Variants in LPAR1 observed in about 807,000 individuals in gnomAD.
LPAR1 encodes LPA receptor 1.
LPAR1 carries 5 observed loss-of-function variants against 23.8 expected under a neutral mutation model. The ratio of observed to expected loss-of-function variants is 0.21; its 90% confidence interval spans 0.11 to 0.44. LPAR1 has a LOEUF of 0.44. Among genes scored for constraint, LPAR1 ranks in the 20% least tolerant of loss-of-function variants. The probability of loss-of-function intolerance (pLI) is 0.99; values close to 1 mark genes in which losing one functional copy is unlikely to be tolerated. For synonymous variants in LPAR1, 160 were observed against 164.7 expected, an observed-to-expected ratio of 0.97 and a Z score of 0.22; for missense variants, 311 against 482.8, an observed-to-expected ratio of 0.64 and a Z score of 3.33.
intron 2 of LPAR1, among the ~76,000 whole-genome samples, chr9:110,995,957 G>A (rs185351028): frequency 6.6e-6 from 1 of 152,096 alleles, no homozygotes; most frequent in Admixed American, 6.6e-5. Context: ...AAAATGGAAG[G>A]GAAAAGGAGC....
chr9:111,007,944 C>T (rs2097253829), intron 2 of LPAR1, among the ~76,000 whole-genome samples: 1 of 152,112 alleles, frequency 6.6e-6, no homozygotes. Flanking sequence ...GAGGCCAAGG[C>T]AGGCAGATCA....
intron 2 of LPAR1, among the ~76,000 whole-genome samples, chr9:111,017,559 A>G (rs977414834): frequency 6.6e-6 from 1 of 152,236 alleles, no homozygotes; most frequent in Non-Finnish European, 1.5e-5. Context: ...GCGGGTAAAT[A>G]TGCAAAATAC....
chr9:110,994,776 A>G (rs1047226020), intron 2 of LPAR1, among the ~76,000 whole-genome samples: 8 of 152,192 alleles, frequency 5.3e-5, no homozygotes, highest in Non-Finnish European at 1.2e-4. Context: ...AGATCTGGCT[A>G]AAAGTGACTG....
At chr9:110,922,824 A>AATTAT (rs138438534) in intron 5 of LPAR1, among the ~76,000 whole-genome samples, 1 of 142,242 alleles carries the variant, frequency 7.0e-6, no homozygotes, top group East Asian at 2.0e-4. Flanking sequence ...TCTTATTATT[A>AATTAT]TATTATTATT....
chr9:111,038,731 G>A (rs1041306537), upstream of LPAR1: 1 of 443,402 alleles, frequency 2.3e-6, no homozygotes, highest in African/African-American at 2.1e-5. This position sits in a 1 kb window ranked among gnomAD's most constrained non-coding sequence, Gnocchi z 4.4. Flanking sequence ...GTGGTGGCAG[G>A]GCCGGGGCTG....
intron 5 of LPAR1, among the ~76,000 whole-genome samples, chr9:110,890,897 A>T (rs1352613200): frequency 6.6e-6 from 1 of 152,190 alleles, no homozygotes; most frequent in Non-Finnish European, 1.5e-5. Context: ...CCACCAACAA[A>T]TCAAAATATA....
intron 2 of LPAR1, among the ~76,000 whole-genome samples, chr9:111,000,721 C>T (rs1014124832): frequency 6.6e-6 from 1 of 152,172 alleles, no homozygotes; most frequent in Non-Finnish European, 1.5e-5. Context: ...TGCTCTCCTA[C>T]GTGCACAGTG....
chr9:110,913,766 T>C (rs1399749249), intron 5 of LPAR1, among the ~76,000 whole-genome samples: 31 of 152,170 alleles, frequency 2.0e-4, no homozygotes. Flanking sequence ...GTAAGAGATT[T>C]CTGCTTTCCT....
chr9:110,949,296 G>A (rs1399274352), intron 4 of LPAR1, among the ~76,000 whole-genome samples: 1 of 152,164 alleles, frequency 6.6e-6, no homozygotes, highest in Admixed American at 6.5e-5. Context: ...TGCCACATGT[G>A]AGAATCCCCA....
chr9:110,962,974 GC>G (rs2096060737), intron 4 of LPAR1, among the ~76,000 whole-genome samples: 2 of 152,160 alleles, frequency 1.3e-5, no homozygotes, highest in African/African-American at 4.8e-5. Flanking sequence ...TCACAGCAAA[GC>G]TGCAACAAAA....
At chr9:110,883,447 A>G (rs1431690293) in intron 5 of LPAR1, among the ~76,000 whole-genome samples, 1 of 152,190 alleles carries the variant, frequency 6.6e-6, no homozygotes, top group East Asian at 1.9e-4. Context: ...AAATTTTTTA[A>G]AAAGGAAGGA....
At chr9:110,895,398 A>G (rs2085959723) in intron 5 of LPAR1, among the ~76,000 whole-genome samples, 1 of 152,226 alleles carries the variant, frequency 6.6e-6, no homozygotes, top group Non-Finnish European at 1.5e-5. Context: ...GGGCCTGGCC[A>G]CTAGGCTGGG....
intron 4 of LPAR1, among the ~76,000 whole-genome samples, chr9:110,949,657 T>C (rs999064884): frequency 1.3e-5 from 2 of 152,192 alleles, no homozygotes; most frequent in African/African-American, 4.8e-5. Context: ...AGAATCATCT[T>C]ACAAGAACAA....
In LPAR1 at chr9:110,918,707, C is replaced by A. The variant is rs536398131; in HGVS notation, c.793+22714G>T. Among the ~76,000 whole-genome samples, 27 of 152,082 alleles carry A rather than the reference C, an allele frequency of 1.8e-4. 1 individual carries two copies. The South Asian group carries it at 5.6e-3, about 32-fold the overall frequency. On this transcript the variant is annotated intron_variant, in intron 5 of 5. Transcript: ENST00000683809. ...TCAGAGAAGAGTAATGTCTCTGTAG[C>A]CAAAATTAAAGAAAACTTCAAAAAG...
intron 2 of LPAR1, among the ~76,000 whole-genome samples, chr9:111,001,880 T>C (rs943422100): frequency 6.6e-6 from 1 of 152,148 alleles, no homozygotes; most frequent in Admixed American, 6.6e-5. Context: ...AAAAGCTCAA[T>C]TAGAATTCTA....
intron 5 of LPAR1, among the ~76,000 whole-genome samples, chr9:110,901,432 T>C: frequency 6.6e-6 from 1 of 152,178 alleles, no homozygotes; most frequent in East Asian, 1.9e-4. Context: ...GACTGGGTAA[T>C]TTATAAAGGA....
At chr9:110,974,277 A>G (rs972114997) in intron 2 of LPAR1, among the ~76,000 whole-genome samples, 2 of 152,214 alleles carry the variant, frequency 1.3e-5, no homozygotes, top group African/African-American at 4.8e-5. Context: ...CTATTGGGAA[A>G]TGATACTTTT....
chr9:110,986,612 C>T (rs1320089943), intron 2 of LPAR1, among the ~76,000 whole-genome samples: 1 of 151,092 alleles, frequency 6.6e-6, no homozygotes, highest in Non-Finnish European at 1.5e-5. Context: ...CCCAAATGGC[C>T]TAAAATAGAA....
intron 2 of LPAR1, among the ~76,000 whole-genome samples, chr9:111,007,230 C>A (rs1268502680): frequency 3.9e-5 from 6 of 152,088 alleles, no homozygotes; most frequent in East Asian, 1.9e-4. Flanking sequence ...AATTAAATTT[C>A]TTTTCTTTAT....
Sources: gnomAD v4.1 joint callset for allele counts (sites outside exome capture counted in the v4.1 genomes callset) on GRCh38, gnomAD v4.1.1 for gene constraint, Gnocchi (gnomAD v3.1) non-coding constraint, MANE v1.5 for transcripts, NCBI Gene and HGNC (gene_info 2026-07-23, HGNC 2026-07-21) for gene names.